FAM227B: variants seen among roughly 807,000 people sequenced by gnomAD.
FAM227B encodes protein FAM227B.
A neutral mutation model predicts 73.8 loss-of-function variants in FAM227B; 88 were observed. That is an observed-to-expected ratio of 1.19 (90% CI 1.00 to 1.42). The LOEUF (loss-of-function observed/expected upper bound fraction) is 1.42. FAM227B is among the 40% of genes most tolerant of loss of function. FAM227B has a pLI of 0.00. For missense variants in FAM227B, 632 were observed against 590.9 expected, an observed-to-expected ratio of 1.07 and a Z score of -0.72; for synonymous variants, 210 against 190.5, an observed-to-expected ratio of 1.10 and a Z score of -0.84.
intron 13 of FAM227B, among the ~76,000 whole-genome samples, chr15:49,344,762 A>G (rs554959673): frequency 5.1e-4 from 78 of 152,268 alleles, no homozygotes; most frequent in African/African-American, 1.9e-3. Context: ...ACTGTGAAGG[A>G]GTCTGGCAGC....
chr15:49,505,545 A>G (rs2058516488), intron 11 of FAM227B, among the ~76,000 whole-genome samples: 1 of 152,142 alleles, frequency 6.6e-6, no homozygotes, highest in South Asian at 2.1e-4. Context: ...ATACTGCTCC[A>G]AGGTCCTACA....
intron 9 of FAM227B, among the ~76,000 whole-genome samples, chr15:49,554,532 C>T (rs1017141700): frequency 6.6e-6 from 1 of 152,090 alleles, no homozygotes; most frequent in Non-Finnish European, 1.5e-5. Flanking sequence ...CTCTGTGGGC[C>T]GGTATCAGCT....
In FAM227B at chr15:49,327,557, G is replaced by C. The variant is rs1047866704; in HGVS notation, c.*1011C>G. On this transcript the variant is annotated 3_prime_UTR_variant, in exon 16 of 16. Coordinates refer to ENST00000299338, the MANE Select transcript of FAM227B (RefSeq NM_152647.3). Reference sequence around the variant, plus strand: ...TTGTCCTCATTTGGAGTGACCTTCTGATTCAGGGTTGCCTACATTTCTTTT... The same window carrying C: ...TTGTCCTCATTTGGAGTGACCTTCTCATTCAGGGTTGCCTACATTTCTTTT... 1.3e-5 allele frequency: 2 copies of C among 157,688 alleles called. No homozygotes were observed. Among genetic ancestry groups the C allele is most frequent in the African/African-American group, 4.8e-5 (2 of 41,588 alleles). 9.8% of individuals were successfully genotyped at this position (157,688 alleles called of 1,614,324 possible).
chr15:49,527,057 T>C (rs2060257811), intron 10 of FAM227B, among the ~76,000 whole-genome samples: 1 of 151,606 alleles, frequency 6.6e-6, no homozygotes, highest in African/African-American at 2.4e-5. Flanking sequence ...TATCACCCAG[T>C]ACCAAAATCA....
chr15:49,569,135 C>T (rs1463886358), intron 8 of FAM227B, among the ~76,000 whole-genome samples: 2 of 151,816 alleles, frequency 1.3e-5, no homozygotes, highest in Non-Finnish European at 3.0e-5. Flanking sequence ...TTGTCTATTT[C>T]AACTACATTA....
intron 11 of FAM227B, among the ~76,000 whole-genome samples, chr15:49,497,983 T>G (rs2057773428): frequency 6.6e-6 from 1 of 152,236 alleles, no homozygotes; most frequent in African/African-American, 2.4e-5. Context: ...TCTGCTACCT[T>G]TCTGGCCTTT....
chr15:49,620,458 T>C (rs1598621482), intron 1 of FAM227B, among the ~76,000 whole-genome samples: 1 of 152,122 alleles, frequency 6.6e-6, no homozygotes, highest in Admixed American at 6.5e-5. Context: ...CTTATCCACA[T>C]ATTATACTTC....
intron 12 of FAM227B, among the ~76,000 whole-genome samples, chr15:49,368,850 T>C (rs2045570421): frequency 6.6e-6 from 1 of 152,242 alleles, no homozygotes; most frequent in African/African-American, 2.4e-5. Flanking sequence ...AAAATCACAG[T>C]TTGCAGCCCT....
chr15:49,338,690 A>C (rs1461535620), intron 13 of FAM227B, among the ~76,000 whole-genome samples: 1 of 152,028 alleles, frequency 6.6e-6, no homozygotes, highest in Non-Finnish European at 1.5e-5. Context: ...TAGGTTGGGG[A>C]AGTTCTCCTG....
intron 11 of FAM227B, chr15:49,424,599 T>C: frequency 6.5e-7 from 1 of 1,546,648 alleles, no homozygotes; most frequent in Non-Finnish European, 8.7e-7. Flanking sequence ...TAATTTTAAG[T>C]ACTGCTCATG....
At position 49,502,927 on chromosome 15, in the gene FAM227B, A is replaced by C. The variant is rs2058260506; in HGVS notation, c.1012+5284T>G. Among the ~76,000 whole-genome samples, 3 of 152,156 alleles carry C rather than the reference A, an allele frequency of 2.0e-5. No homozygotes were observed. The South Asian group carries it at 6.2e-4, about 32-fold the overall frequency. On this transcript the variant is annotated intron_variant, in intron 11 of 15. Coordinates refer to ENST00000299338, the MANE Select transcript of FAM227B (RefSeq NM_152647.3). ...AGCTCTCACTCTGAGTTAACACAAAATCTGGTTGTTTAAAAGTGTGTGGCA... is the reference window on the plus strand; with the variant it reads ...AGCTCTCACTCTGAGTTAACACAAACTCTGGTTGTTTAAAAGTGTGTGGCA...
chr15:49,565,572 CA>C (rs1450268583), intron 9 of FAM227B, among the ~76,000 whole-genome samples: 3 of 151,964 alleles, frequency 2.0e-5, no homozygotes, highest in African/African-American at 7.3e-5. Flanking sequence ...TATTTATAAT[CA>C]CACATTAAGC....
chr15:49,541,988 G>C (rs1039539814), intron 9 of FAM227B, among the ~76,000 whole-genome samples, 182 bp from the exon 10 acceptor site: 2 of 152,066 alleles, frequency 1.3e-5, no homozygotes. Flanking sequence ...ATGCCTGAAA[G>C]CTAAATTTGA....
intron 9 of FAM227B, among the ~76,000 whole-genome samples, chr15:49,548,784 G>A (rs1444621572): frequency 3.3e-5 from 5 of 152,078 alleles, no homozygotes; most frequent in Non-Finnish European, 7.4e-5. Flanking sequence ...ATTTCCTCTA[G>A]ATTTTCTAAT....
At chr15:49,330,841 C>T (rs2038578073) in intron 15 of FAM227B, 1 of 152,062 alleles carries the variant, frequency 6.6e-6, no homozygotes, top group South Asian at 2.1e-4. Context: ...GCTGTCCCAG[C>T]TACTCAGGAG....
At chr15:49,414,897 C>G (rs2049109269) in intron 11 of FAM227B, among the ~76,000 whole-genome samples, 1 of 152,098 alleles carries the variant, frequency 6.6e-6, no homozygotes, top group African/African-American at 2.4e-5. Context: ...TGAAGAGGAG[C>G]TTAAGCAGAA....
Position 49,541,951 on chromosome 15 carries a change from C to T in FAM227B, c.748-145G>A, listed in dbSNP as rs1398381666. 3 of 635,338 alleles carry T rather than the reference C, an allele frequency of 4.7e-6. No individual in the cohort carries two copies. In the Admixed American group the frequency reaches 1.3e-4, roughly 28 times the overall value. The allele number at this position is 635,338 out of a possible 1,614,324, so 39.4% of individuals were successfully genotyped here. ...CGCCATTTTTTAAATTCTAAAATCACATTTATATAAATTAATGTACGTCAC... is the reference window on the plus strand; with the variant it reads ...CGCCATTTTTTAAATTCTAAAATCATATTTATATAAATTAATGTACGTCAC... On this transcript the variant is annotated intron_variant, in intron 9 of 15. Transcript: ENST00000299338.
At chr15:49,526,120 G>A (rs11070703) in intron 10 of FAM227B, among the ~76,000 whole-genome samples, 40,268 of 151,794 alleles carry the variant, frequency 0.27, 5,601 homozygotes, top group East Asian at 0.38. Flanking sequence ...TCAGCATATG[G>A]AACATTCTCC....
chr15:49,444,374 C>T (rs1444423911), intron 11 of FAM227B, among the ~76,000 whole-genome samples: 3 of 151,502 alleles, frequency 2.0e-5, no homozygotes, highest in African/African-American at 7.3e-5. Flanking sequence ...TTGGTTTAAA[C>T]AGTAACAGAT....
Sources: gnomAD v4.1 joint callset for allele counts (sites outside exome capture counted in the v4.1 genomes callset) on GRCh38, gnomAD v4.1.1 for gene constraint, MANE v1.5 for transcripts, NCBI Gene and HGNC (gene_info 2026-07-23, HGNC 2026-07-21) for gene names.